NFASC: variants seen among roughly 807,000 people sequenced by gnomAD.
NFASC encodes the protein neurofascin homolog.
A neutral mutation model predicts 147.5 loss-of-function variants in NFASC; 43 were observed. The observed-to-expected ratio is 0.29, with a 90% confidence interval of 0.23 to 0.38. The LOEUF (loss-of-function observed/expected upper bound fraction) is 0.38, where lower values mean the gene tolerates loss of function less well. NFASC is among the 10% of genes least tolerant of loss of function. NFASC has a pLI of 1.00. For synonymous variants in NFASC, 622 were observed against 665.5 expected (o/e 0.93, Z 1.01); for missense variants, 1,320 against 1,689.0 (o/e 0.78, Z 3.83).
In NFASC at chr1:205,017,500, C is replaced by T. The variant is rs1309874117; in HGVS notation, c.*961C>T. ...AGGCTGGGTTTGGACTTCATGCCTC[C>T]TCACTGGTGAAACCCAGGATGTAGA... On this transcript the variant is annotated 3_prime_UTR_variant, in exon 30 of 30. Coordinates refer to ENST00000339876, the MANE Select transcript of NFASC (RefSeq NM_001005388.3). The T allele has an allele frequency of 6.5e-6, 1 of 152,736 alleles. No homozygotes were observed. Among genetic ancestry groups the T allele is most frequent in the Non-Finnish European group, 1.5e-5 (1 of 68,120 alleles). 9.5% of individuals were successfully genotyped at this position (152,736 alleles called of 1,614,324 possible). A position where few individuals can be genotyped will look rare whatever the true frequency, so the allele number is the denominator to read the frequency against.
chr1:204,848,399 A>T (rs568741818), intron 1 of NFASC, among the ~76,000 whole-genome samples: 1 of 151,824 alleles, frequency 6.6e-6, no homozygotes, highest in African/African-American at 2.4e-5. Context: ...TTAGCTAATT[A>T]TTTTTTTTAA....
At position 204,968,676 on chromosome 1, in the gene NFASC, G is replaced by A. The variant is rs2095087045; in HGVS notation, c.819-122G>A. 2.4e-6 allele frequency: 2 copies of A among 826,314 alleles called. No individual in the cohort carries two copies. Among genetic ancestry groups the A allele is most frequent in the African/African-American group, 1.7e-5 (1 of 57,898 alleles). 51.2% of individuals were successfully genotyped at this position (826,314 alleles called of 1,614,324 possible). A position where few individuals can be genotyped will look rare whatever the true frequency, so the allele number is the denominator to read the frequency against. On this transcript the variant is annotated intron_variant, in intron 9 of 29. Coordinates refer to ENST00000339876, the MANE Select transcript of NFASC (RefSeq NM_001005388.3). This position sits in a 1 kb window ranked among gnomAD's most constrained non-coding sequence, Gnocchi z 5.4. ...TCTGCACAGGAAAGATCAGCTTTTA[G>A]AGGACATGCATCCTCCTGGGCCCAA...
chr1:204,946,308 G>A, intron 3 of NFASC: 1 of 513,740 alleles, frequency 1.9e-6, no homozygotes, highest in South Asian at 1.4e-5. Flanking sequence ...CATGGTTCTG[G>A]CAGCTAACCC....
Position 204,833,537 on chromosome 1 carries a change from C to A in NFASC, c.-200+4755C>A, listed in dbSNP as rs948140962. 6.8e-5 allele frequency among the ~76,000 whole-genome samples: 9 copies of A among 132,490 alleles called. No individual in the cohort carries two copies. In the Admixed American group the frequency reaches 8.1e-4, roughly 12 times the overall value. 86.9% of individuals were successfully genotyped at this position (132,490 alleles called of 152,430 possible). A position where few individuals can be genotyped will look rare whatever the true frequency, so the allele number is the denominator to read the frequency against. The stretch of plus-strand genomic sequence containing the variant: ...CATGCACAAGGCTTTCTAGGAAAAT[C>A]TGTTAGAAGGATTCAGTTAGAAGGC... On this transcript the variant is annotated intron_variant, in intron 1 of 29. Transcript: ENST00000339876.
intron 2 of NFASC, among the ~76,000 whole-genome samples, chr1:204,931,790 C>T (rs1331812803): frequency 6.6e-6 from 1 of 152,156 alleles, no homozygotes; most frequent in Non-Finnish European, 1.5e-5. Flanking sequence ...TTAGAGTCAT[C>T]CTAGTCCAGT....
Position 204,954,884 on chromosome 1 carries a change from T to C in NFASC, c.468T>C (p.Ala156=), listed in dbSNP as rs2094351581. Residue 156 remains alanine, a synonymous_variant, in exon 7 of 30, where the codon GCT becomes GCC. Coordinates refer to ENST00000339876, the MANE Select transcript of NFASC (RefSeq NM_001005388.3). This position sits in a 1 kb window ranked among gnomAD's most constrained non-coding sequence, Gnocchi z 5.7. ...ACCCTGTCGTGGTCCAAGAGGGCGC[T>C]CCTTTGACGCTCCAGTGCAACCCCC... ...NLDPVVVQEG[A]PLTLQCNPPP... is the part of the protein sequence containing the mutation. 2 of 1,614,016 alleles carry C rather than the reference T, an allele frequency of 1.2e-6. No individual in the cohort carries two copies. The highest frequency in any genetic ancestry group is 2.7e-5 in the African/African-American group (2 of 74,920).
intron 11 of NFASC, 48 bp from the exon 12 acceptor site, chr1:204,973,228 C>A: frequency 6.2e-7 from 1 of 1,607,644 alleles, no homozygotes; most frequent in Non-Finnish European, 8.5e-7. Flanking sequence ...GTGCCCTTCA[C>A]CCTGCCCTCC....
chr1:204,854,335 C>T (rs181620573), intron 1 of NFASC, among the ~76,000 whole-genome samples: 1 of 152,276 alleles, frequency 6.6e-6, no homozygotes, highest in East Asian at 1.9e-4. Flanking sequence ...AGGGAGCTGG[C>T]ACCTGGGAAC....
At chr1:204,909,921 T>C (rs568958879) in intron 1 of NFASC, among the ~76,000 whole-genome samples, 1 of 152,070 alleles carries the variant, frequency 6.6e-6, no homozygotes, top group Non-Finnish European at 1.5e-5. Flanking sequence ...GTTTTTTTTT[T>C]AATTATGTTC....
chr1:205,006,066 A>C (rs968924691), intron 27 of NFASC, among the ~76,000 whole-genome samples: 7 of 152,222 alleles, frequency 4.6e-5, no homozygotes, highest in African/African-American at 1.7e-4. Flanking sequence ...ACCTCCTTGC[A>C]AAAGGTGGGT....
At chr1:204,845,871 C>T (rs904005822) in intron 1 of NFASC, among the ~76,000 whole-genome samples, 1 of 151,910 alleles carries the variant, frequency 6.6e-6, no homozygotes, top group Non-Finnish European at 1.5e-5. Flanking sequence ...CACTGCACAC[C>T]GCGTGTGTGG....
Position 204,975,791 on chromosome 1 carries a change from C to T in NFASC, c.1706+373C>T, listed in dbSNP as rs894397003. Among the ~76,000 whole-genome samples, 3 of 152,140 alleles carry T rather than the reference C, an allele frequency of 2.0e-5. No homozygotes were observed. Among genetic ancestry groups the T allele is most frequent in the Non-Finnish European group, 4.4e-5 (3 of 68,018 alleles). On this transcript the variant is annotated intron_variant, in intron 15 of 29. Coordinates refer to ENST00000339876, the MANE Select transcript of NFASC (RefSeq NM_001005388.3). This position sits in a 1 kb window ranked among gnomAD's most constrained non-coding sequence, Gnocchi z 4.0. ...TGCATCCCAGGCTCCAGCCTTTCAG[C>T]CCTATTTGCAGTACCCCTAATCTTC... is the stretch of plus-strand genomic sequence containing the variant.
In NFASC at chr1:204,987,300, C is replaced by T. The variant is rs998790027; in HGVS notation, c.2471-118C>T. On this transcript the variant is annotated intron_variant, in intron 21 of 29. Transcript: ENST00000339876. The surrounding 1 kb of genome is among the most constrained non-coding windows in gnomAD (Gnocchi z 4.4). ...CTCCCAGGCTTCAGTTTAGCAGTGT[C>T]GAGCATGGGGGTTGTCCAGAGGTCA... 11 of 960,562 alleles carry T rather than the reference C, an allele frequency of 1.1e-5. No individual in the cohort carries two copies. Among genetic ancestry groups the T allele is most frequent in the Non-Finnish European group, 1.6e-5 (10 of 633,478 alleles). 59.5% of individuals were successfully genotyped at this position (960,562 alleles called of 1,614,324 possible). A position where few individuals can be genotyped will look rare whatever the true frequency, so the allele number is the denominator to read the frequency against.
At chr1:204,846,843 T>C (rs1261883217) in intron 1 of NFASC, among the ~76,000 whole-genome samples, 1 of 152,008 alleles carries the variant, frequency 6.6e-6, no homozygotes, top group African/African-American at 2.4e-5. Flanking sequence ...CTGCCCTGAG[T>C]CCTATATTCA....
rs191315172 is a variant in NFASC, at chr1:204,885,457, T to A, written c.-199-35175T>A. ...CCAGAAAATCTGTGTGGCTAAATGG[T>A]GAAAGAATTTTCCACCCTCTTTGCC... On this transcript the variant is annotated intron_variant, in intron 1 of 29. Transcript: ENST00000339876. Among the ~76,000 whole-genome samples the A allele has an allele frequency of 7.6e-4, 116 of 152,256 alleles. 1 individual carries two copies. The highest frequency in any genetic ancestry group is 4.1e-3 in the South Asian group (20 of 4,826).
chr1:204,945,649 G>A (rs1281605072), intron 3 of NFASC, among the ~76,000 whole-genome samples: 1 of 152,212 alleles, frequency 6.6e-6, no homozygotes, highest in African/African-American at 2.4e-5. Context: ...TTGAATGTAT[G>A]TGTGCATATG....
At chr1:204,866,403 C>A (rs16854575) in intron 1 of NFASC, among the ~76,000 whole-genome samples, 1 of 152,090 alleles carries the variant, frequency 6.6e-6, no homozygotes, top group Non-Finnish European at 1.5e-5. Flanking sequence ...CTATGCCGAG[C>A]CCTTGAGAGG....
At chr1:204,878,217 AC>A (rs1265005464) in intron 1 of NFASC, among the ~76,000 whole-genome samples, 1 of 152,226 alleles carries the variant, frequency 6.6e-6, no homozygotes, top group Non-Finnish European at 1.5e-5. Flanking sequence ...CTTCTTTTAT[AC>A]AGCAGCTCTG....
rs765681177 is a variant in NFASC at position 204,975,356 on chromosome 1, C to T, written c.1644C>T (p.Asp548=). ...AGCTGGAGTGTCGGGTGAAGCACGA[C>T]CCCTCCCTGAAACTCACCGTCTCCT... The part of the protein sequence containing the change: ...TVQLECRVKH[D]PSLKLTVSWL... The change falls in exon 15 of 30, where the codon GAC becomes GAT. Residue 548 remains aspartate, a synonymous_variant. Transcript: ENST00000339876. This position sits in a 1 kb window ranked among gnomAD's most constrained non-coding sequence, Gnocchi z 4.0. 3 of 1,614,094 alleles carry T rather than the reference C, an allele frequency of 1.9e-6. No homozygotes were observed. The highest frequency in any genetic ancestry group is 2.5e-6 in the Non-Finnish European group (3 of 1,179,974).
Sources: gnomAD v4.1 joint callset for allele counts (sites outside exome capture counted in the v4.1 genomes callset) on GRCh38, gnomAD v4.1.1 for gene constraint, Gnocchi (gnomAD v3.1) non-coding constraint, MANE v1.5 for transcripts, NCBI Gene and HGNC (gene_info 2026-07-23, HGNC 2026-07-21) for gene names.